The following GRID2 variants were observed in gnomAD, a reference collection of about 807,000 sequenced individuals.
GRID2 encodes the protein glutamate receptor ionotropic, delta-2.
A neutral mutation model predicts 114.8 loss-of-function variants in GRID2; 33 were observed. The ratio of observed to expected loss-of-function variants is 0.29; its 90% confidence interval spans 0.22 to 0.38. The LOEUF (loss-of-function observed/expected upper bound fraction) is 0.38, where lower values mean the gene tolerates loss of function less well. Among genes scored for constraint, GRID2 ranks in the 10% least tolerant of loss-of-function variants. The pLI is 1.00. For missense variants in GRID2, 1,184 were observed against 1,257.7 expected, an observed-to-expected ratio of 0.94 and a Z score of 0.89; for synonymous variants, 505 against 449.9, an observed-to-expected ratio of 1.12 and a Z score of -1.55.
intron 3 of GRID2, among the ~76,000 whole-genome samples, chr4:93,108,171 T>G (rs2149348501): frequency 6.6e-6 from 1 of 152,288 alleles, no homozygotes; most frequent in Admixed American, 6.5e-5. Context: ...CAGAGAAACC[T>G]TCCTCTAAGT....
At chr4:93,275,484 T>A (rs1405173909) in intron 8 of GRID2, among the ~76,000 whole-genome samples, 1 of 151,658 alleles carries the variant, frequency 6.6e-6, no homozygotes, top group Non-Finnish European at 1.5e-5. Flanking sequence ...CTTTGGTAAC[T>A]CTATGTTTAC....
At chr4:93,145,240 A>C (rs1474116459) in intron 4 of GRID2, among the ~76,000 whole-genome samples, 3 of 152,034 alleles carry the variant, frequency 2.0e-5, no homozygotes, top group Non-Finnish European at 1.5e-5. Context: ...CAACCACTAC[A>C]ATGAAAACTC....
intron 2 of GRID2, among the ~76,000 whole-genome samples, chr4:92,728,904 G>A (rs1483411083): frequency 1.3e-5 from 2 of 151,844 alleles, no homozygotes; most frequent in African/African-American, 2.4e-5. Flanking sequence ...AGTCCTTTGA[G>A]ACAAAAAAGA....
intron 2 of GRID2, among the ~76,000 whole-genome samples, chr4:92,944,064 T>A: frequency 6.6e-6 from 1 of 152,196 alleles, no homozygotes; most frequent in East Asian, 1.9e-4. Context: ...CTGTCCATTC[T>A]CAGATCTCCA....
At chr4:92,399,862 A>T (rs1215263398) in intron 1 of GRID2, among the ~76,000 whole-genome samples, 1 of 152,122 alleles carries the variant, frequency 6.6e-6, no homozygotes, top group Non-Finnish European at 1.5e-5. Flanking sequence ...ATAGTTACAG[A>T]TGTAGTTACT....
At chr4:93,683,646 CA>C (rs1176162909) in intron 14 of GRID2, among the ~76,000 whole-genome samples, 1 of 152,024 alleles carries the variant, frequency 6.6e-6, no homozygotes, top group Admixed American at 6.6e-5. Context: ...ATTAGCATTC[CA>C]GTGTTTTATG....
intron 2 of GRID2, among the ~76,000 whole-genome samples, chr4:92,792,814 A>G (rs1408550364): frequency 6.6e-6 from 1 of 151,700 alleles, no homozygotes; most frequent in Non-Finnish European, 1.5e-5. Flanking sequence ...TTGAGTATTC[A>G]TAATGCCAGT....
chr4:93,345,460 T>C (rs1760127708), intron 8 of GRID2, among the ~76,000 whole-genome samples: 1 of 152,126 alleles, frequency 6.6e-6, no homozygotes. Context: ...GAGAAATGTA[T>C]ATTCAGGTCA....
intron 6 of GRID2, among the ~76,000 whole-genome samples, chr4:93,218,108 C>T (rs1744449068): frequency 6.6e-6 from 1 of 151,956 alleles, no homozygotes; most frequent in African/African-American, 2.4e-5. Context: ...TTTATCCAAC[C>T]ATTTCTTCTA....
chr4:93,511,037 A>G (rs1729113597), intron 12 of GRID2, among the ~76,000 whole-genome samples: 1 of 152,078 alleles, frequency 6.6e-6, no homozygotes, highest in African/African-American at 2.4e-5. Flanking sequence ...TCTGGGTTCA[A>G]GTGATTCCCC....
chr4:93,606,853 C>A (rs376374609), intron 13 of GRID2, among the ~76,000 whole-genome samples: 2 of 152,050 alleles, frequency 1.3e-5, no homozygotes, highest in African/African-American at 4.8e-5. Context: ...TATTATTTTA[C>A]TGTATATGTT....
At chr4:92,845,097 A>C (rs778707390) in intron 2 of GRID2, among the ~76,000 whole-genome samples, 1 of 152,132 alleles carries the variant, frequency 6.6e-6, no homozygotes, top group Non-Finnish European at 1.5e-5. Flanking sequence ...ATCTCAGATA[A>C]TATTGTGAAA....
At chr4:93,555,895 G>A (rs897709670) in intron 13 of GRID2, among the ~76,000 whole-genome samples, 1 of 152,194 alleles carries the variant, frequency 6.6e-6, no homozygotes, top group African/African-American at 2.4e-5. Context: ...CTGGGACAAA[G>A]CTTCCAGAGG....
At chr4:92,759,833 G>T (rs1232561455) in intron 2 of GRID2, among the ~76,000 whole-genome samples, 1 of 148,496 alleles carries the variant, frequency 6.7e-6, no homozygotes, top group Non-Finnish European at 1.5e-5. Flanking sequence ...CACCATGTTA[G>T]TCAGGCTGGT....
At chr4:92,728,127 T>C (rs1736150101) in intron 2 of GRID2, among the ~76,000 whole-genome samples, 1 of 152,052 alleles carries the variant, frequency 6.6e-6, no homozygotes, top group Non-Finnish European at 1.5e-5. Flanking sequence ...GAGAAAGGAA[T>C]GTATTTTACT....
intron 1 of GRID2, among the ~76,000 whole-genome samples, chr4:93,793,117 T>C (rs964362785): frequency 2.0e-5 from 3 of 152,222 alleles, no homozygotes; most frequent in African/African-American, 7.2e-5. Flanking sequence ...ATTTGAAATA[T>C]AAATGTATAA....
chr4:92,894,907 G>A (rs1208649541), intron 2 of GRID2, among the ~76,000 whole-genome samples: 1 of 151,990 alleles, frequency 6.6e-6, no homozygotes, highest in African/African-American at 2.4e-5. Flanking sequence ...AGGTCAAGGG[G>A]AGTTCTTGAA....
chr4:92,872,527 T>G (rs1451518861), intron 2 of GRID2, among the ~76,000 whole-genome samples: 1 of 152,126 alleles, frequency 6.6e-6, no homozygotes, highest in Non-Finnish European at 1.5e-5. Flanking sequence ...AATTAATTAT[T>G]TGGATGATTA....
At chr4:93,207,482 T>TA in intron 5 of GRID2, 25 bp downstream of exon 5, 5 of 1,423,634 alleles carry the variant, frequency 3.5e-6, no homozygotes, top group Non-Finnish European at 4.9e-6. Context: ...ACCTTATTGT[T>TA]AACTCTGTGT....
Sources: allele counts gnomAD v4.1 joint callset (sites outside exome capture counted in the v4.1 genomes callset), GRCh38; gene constraint gnomAD v4.1.1; transcripts MANE v1.5; gene names NCBI Gene and HGNC (gene_info 2026-07-23, HGNC 2026-07-21).